The following ZNF182 variants were observed in gnomAD, a reference collection of about 807,000 sequenced individuals.
ZNF182 encodes zinc finger protein 21 (KOX 14).
In ZNF182, 10 loss-of-function variants were observed where a neutral mutation model predicts 28.1. That is an observed-to-expected ratio of 0.36 (90% CI 0.22 to 0.60). The LOEUF (loss-of-function observed/expected upper bound fraction) is 0.60, where lower values mean the gene tolerates loss of function less well. Ranked by LOEUF, ZNF182 falls within the 20% of genes least tolerant of loss-of-function variation. The pLI is 0.75. For missense variants in ZNF182, 352 were observed against 453.2 expected (o/e 0.78, Z 2.03); for synonymous variants, 156 against 158.7 (o/e 0.98, Z 0.13).
intron 3 of ZNF182, among the ~76,000 whole-genome samples, chrX:47,990,427 T>C (rs1448653143): frequency 1.8e-5 from 2 of 111,363 alleles, no homozygotes; most frequent in Non-Finnish European, 3.8e-5. Context: ...GTCATTATGC[T>C]ATTGTGTCTG....
At chrX:47,980,800 TTGGAACCAATAAATCTTTTG>T (rs1243751356) in intron 5 of ZNF182, among the ~76,000 whole-genome samples, 1 of 112,115 alleles carries the variant, frequency 8.9e-6, no homozygotes, top group Non-Finnish European at 1.9e-5. Flanking sequence ...GTGTTGGACT[TTGGAACCAATAAATCTTTTG>T]TAACTATTTT....
At chrX:47,988,582 G>T in intron 3 of ZNF182, 1 of 495,626 alleles carries the variant, frequency 2.0e-6, no homozygotes, top group Non-Finnish European at 3.7e-6. Flanking sequence ...ACCAGATGCA[G>T]ATGCTGGTGT....
intron 3 of ZNF182, among the ~76,000 whole-genome samples, chrX:47,987,655 TTGTATGTGTGTGTGG>T (rs1326748239): frequency 1.8e-5 from 2 of 112,055 alleles, no homozygotes; most frequent in African/African-American, 6.5e-5. Context: ...CAAAGTATGT[TTGTATGTGTGTGTGG>T]TGTATGTGTG....
At chrX:47,988,398 T>C in intron 3 of ZNF182, 1 of 319,131 alleles carries the variant, frequency 3.1e-6, no homozygotes, top group Non-Finnish European at 5.6e-6. Flanking sequence ...CCCTCATGAA[T>C]GGCTTGGTGC....
At chrX:47,993,296 G>A (rs2058948001) in intron 3 of ZNF182, among the ~76,000 whole-genome samples, 1 of 112,304 alleles carries the variant, frequency 8.9e-6, no homozygotes, top group Non-Finnish European at 1.9e-5. Flanking sequence ...TTGCTCTGTA[G>A]AACTCTTCCA....
chrX:47,978,719 A>G (rs1603223905), intron 5 of ZNF182, among the ~76,000 whole-genome samples: 2 of 112,367 alleles, frequency 1.8e-5, no homozygotes, highest in African/African-American at 6.5e-5. Context: ...ATTTTGCTAT[A>G]TTCAGAATCT....
At chrX:47,991,541 T>C (rs1286399027) in intron 3 of ZNF182, among the ~76,000 whole-genome samples, 1 of 112,399 alleles carries the variant, frequency 8.9e-6, no homozygotes, top group Non-Finnish European at 1.9e-5. Flanking sequence ...TGGCAAACTA[T>C]ACTTACAAGC....
intron 3 of ZNF182, among the ~76,000 whole-genome samples, chrX:47,991,621 A>G (rs1414452098): frequency 1.8e-5 from 2 of 111,165 alleles, no homozygotes; most frequent in Non-Finnish European, 3.8e-5. Flanking sequence ...GATGGCACAG[A>G]CTCCTCTTTC....
chrX:48,002,386 A>T, intron 3 of ZNF182: 1 of 528,258 alleles, frequency 1.9e-6, no homozygotes, highest in Admixed American at 2.9e-5. Context: ...AGAAGGCTCA[A>T]AGAGAAACTG....
intron 3 of ZNF182, among the ~76,000 whole-genome samples, chrX:48,001,830 C>G (rs2058979326): frequency 9.0e-6 from 1 of 111,342 alleles, no homozygotes; most frequent in African/African-American, 3.3e-5. Context: ...CAGAACAGAC[C>G]TACCGCTGCC....
intron 3 of ZNF182, among the ~76,000 whole-genome samples, chrX:47,992,359 C>T (rs1376729196): frequency 9.0e-6 from 1 of 111,460 alleles, no homozygotes; most frequent in African/African-American, 3.3e-5. Context: ...TAAATGTGGT[C>T]GACTCAGATA....
intron 3 of ZNF182, 52 bp from the exon 4 acceptor site, chrX:47,983,463 G>C: frequency 8.8e-7 from 1 of 1,132,851 alleles, no homozygotes; most frequent in South Asian, 2.2e-5. Context: ...AGATGATGAG[G>C]ATAAAATGCA....
chrX:47,997,564 G>A (rs1363380019), intron 3 of ZNF182, among the ~76,000 whole-genome samples: 1 of 110,221 alleles, frequency 9.1e-6, no homozygotes, highest in Non-Finnish European at 1.9e-5. Context: ...AGGCCGAGGC[G>A]GGCAGATCAC....
intron 3 of ZNF182, among the ~76,000 whole-genome samples, chrX:47,985,837 A>G (rs1556899728): frequency 9.0e-6 from 1 of 111,064 alleles, no homozygotes; most frequent in Non-Finnish European, 1.9e-5. Context: ...GAGACACAAC[A>G]ATGATTCCAT....
chrX:48,001,378 A>G (rs782103927), intron 3 of ZNF182, among the ~76,000 whole-genome samples: 2 of 112,720 alleles, frequency 1.8e-5, no homozygotes, highest in Admixed American at 1.9e-4. Context: ...CTACTGACAC[A>G]CACAACTTTG....
At chrX:47,985,256 G>A (rs782174279) in intron 3 of ZNF182, among the ~76,000 whole-genome samples, 47 of 112,487 alleles carry the variant, frequency 4.2e-4, no homozygotes, top group African/African-American at 1.5e-3. Flanking sequence ...CAATAAAAAT[G>A]AGAGAACTAA....
Position 47,977,701 on chromosome X carries a change from A to G in ZNF182, c.329T>C (p.Ile110Thr). ...MQVGFSDKKTIITKSARDCHE... is the reference protein window; with the variant it reads ...MQVGFSDKKTTITKSARDCHE... ...ACAGTCACGAGCACTCTTGGTGATA[A>G]TTGTTTTCTTGTCAGAAAATCCAAC... is the stretch of plus-strand genomic sequence containing the variant. The change falls in exon 6 of 6, where the codon ATT becomes ACT. Residue 110 changes from isoleucine to threonine, a missense_variant. Transcript: ENST00000376943. 1 of 1,209,628 alleles carries G rather than the reference A, an allele frequency of 8.3e-7. No individual in the cohort carries two copies. The highest frequency in any genetic ancestry group is 1.1e-6 in the Non-Finnish European group (1 of 894,285).
chrX:47,990,628 C>G (rs990034054), intron 3 of ZNF182, among the ~76,000 whole-genome samples: 3 of 111,802 alleles, frequency 2.7e-5, no homozygotes, highest in African/African-American at 9.8e-5. Context: ...TAGGAAGTGG[C>G]TAGCACATGT....
intron 3 of ZNF182, among the ~76,000 whole-genome samples, chrX:47,995,069 C>T (rs960530754): frequency 1.2e-4 from 13 of 109,691 alleles, no homozygotes; most frequent in African/African-American, 3.3e-4. Flanking sequence ...CGGTGGCTCA[C>T]GCCTGTAATC....
Sources: allele counts gnomAD v4.1 joint callset (sites outside exome capture counted in the v4.1 genomes callset), GRCh38; gene constraint gnomAD v4.1.1; transcripts MANE v1.5; gene names NCBI Gene and HGNC (gene_info 2026-07-23, HGNC 2026-07-21).